The following PCCA variants were observed in gnomAD, a reference collection of about 807,000 sequenced individuals.
The protein encoded by PCCA is propionyl-CoA carboxylase subunit alpha.
PCCA carries 74 observed loss-of-function variants against 101.3 expected under a neutral mutation model. That is an observed-to-expected ratio of 0.73 (90% CI 0.61 to 0.89). PCCA has a LOEUF of 0.89. Ranked by LOEUF, PCCA falls within the 40% of genes least tolerant of loss-of-function variation. The probability of loss-of-function intolerance (pLI) is 0.00; values close to 1 mark genes in which losing one functional copy is unlikely to be tolerated. For synonymous variants in PCCA, 294 were observed against 313.6 expected, an observed-to-expected ratio of 0.94 and a Z score of 0.66; for missense variants, 891 against 907.0, an observed-to-expected ratio of 0.98 and a Z score of 0.23.
intron 6 of PCCA, among the ~76,000 whole-genome samples, chr13:100,171,400 G>A (rs548245618): frequency 3.7e-4 from 56 of 152,274 alleles, no homozygotes; most frequent in Non-Finnish European, 7.6e-4. Context: ...ATAGGGTGAT[G>A]ACAGTCTTCT....
chr13:100,262,401 A>T (rs1298064829), intron 9 of PCCA, among the ~76,000 whole-genome samples: 1 of 152,098 alleles, frequency 6.6e-6, no homozygotes, highest in Admixed American at 6.6e-5. Context: ...CTCAAAAAAA[A>T]AAAAAGTGAT....
At chr13:100,320,692 A>G (rs932109601) in intron 16 of PCCA, among the ~76,000 whole-genome samples, 1 of 152,146 alleles carries the variant, frequency 6.6e-6, no homozygotes, top group Non-Finnish European at 1.5e-5. Context: ...ATCATGGTGG[A>G]TAAGCTTTTT....
At chr13:100,470,705 C>G (rs865780938) in intron 21 of PCCA, among the ~76,000 whole-genome samples, 5 of 151,718 alleles carry the variant, frequency 3.3e-5, no homozygotes, top group Admixed American at 6.6e-5. Flanking sequence ...AATATGAAAA[C>G]TAGCTGGGCA....
At chr13:100,239,964 C>G (rs1479216037) in intron 8 of PCCA, among the ~76,000 whole-genome samples, 3 of 152,126 alleles carry the variant, frequency 2.0e-5, no homozygotes, top group Non-Finnish European at 4.4e-5. Flanking sequence ...TTTTCCTCAT[C>G]ATCCTGTTGT....
At chr13:100,227,117 A>T (rs2060188623) in intron 7 of PCCA, among the ~76,000 whole-genome samples, 1 of 151,196 alleles carries the variant, frequency 6.6e-6, no homozygotes, top group African/African-American at 2.4e-5. Flanking sequence ...GATTGCAGGC[A>T]TGCGCCACCA....
intron 6 of PCCA, among the ~76,000 whole-genome samples, chr13:100,160,389 G>A (rs925063592): frequency 6.6e-6 from 1 of 152,018 alleles, no homozygotes; most frequent in Admixed American, 6.6e-5. Context: ...TTTGATCCCA[G>A]CTACGTGGGT....
intron 19 of PCCA, among the ~76,000 whole-genome samples, chr13:100,382,293 C>T (rs751297412): frequency 2.6e-5 from 4 of 152,132 alleles, no homozygotes; most frequent in African/African-American, 9.7e-5. Flanking sequence ...GGATTTTCTC[C>T]GGTTACTCCA....
At chr13:100,508,504 C>T (rs930247560) in intron 21 of PCCA, among the ~76,000 whole-genome samples, 1 of 152,222 alleles carries the variant, frequency 6.6e-6, no homozygotes, top group African/African-American at 2.4e-5. Flanking sequence ...GAAAGTGACG[C>T]ATTATGTCGC....
chr13:100,198,609 C>T (rs2058275446), intron 6 of PCCA: 1 of 152,212 alleles, frequency 6.6e-6, no homozygotes, highest in South Asian at 2.1e-4. Context: ...AGTGATTCTC[C>T]TGCCTCAGCC....
At chr13:100,457,578 A>T (rs975144467) in intron 21 of PCCA, among the ~76,000 whole-genome samples, 1 of 152,202 alleles carries the variant, frequency 6.6e-6, no homozygotes, top group African/African-American at 2.4e-5. Flanking sequence ...AATGGGTTGC[A>T]TTATAGGAGA....
At chr13:100,128,324 A>G (rs1346367554) in intron 4 of PCCA, among the ~76,000 whole-genome samples, 1 of 152,196 alleles carries the variant, frequency 6.6e-6, no homozygotes, top group East Asian at 1.9e-4. Context: ...CTTTGAAGGC[A>G]GAGTTTTTAT....
chr13:100,103,881 C>T (rs1251206753), intron 2 of PCCA, among the ~76,000 whole-genome samples: 1 of 152,182 alleles, frequency 6.6e-6, no homozygotes. Context: ...GGTCATCCGC[C>T]TGCCTCGAGC....
At chr13:100,110,023 A>G (rs946740047) in intron 2 of PCCA, among the ~76,000 whole-genome samples, 8 of 152,024 alleles carry the variant, frequency 5.3e-5, no homozygotes, top group African/African-American at 1.7e-4. Flanking sequence ...AATCCCAGCT[A>G]TTAGGAGGCT....
At chr13:100,413,536 C>T (rs1567092559) in intron 19 of PCCA, among the ~76,000 whole-genome samples, 1 of 152,128 alleles carries the variant, frequency 6.6e-6, no homozygotes, top group East Asian at 1.9e-4. Context: ...AAAAATAGAT[C>T]TCTAATAATC....
intron 21 of PCCA, chr13:100,466,077 T>C (rs2082495122): frequency 6.6e-6 from 1 of 152,262 alleles, no homozygotes; most frequent in South Asian, 2.1e-4. Flanking sequence ...TTTGAGTAGA[T>C]GTACTGTTAC....
At chr13:100,172,014 A>G (rs1323932841) in intron 6 of PCCA, among the ~76,000 whole-genome samples, 2 of 148,544 alleles carry the variant, frequency 1.3e-5, no homozygotes, top group Non-Finnish European at 3.0e-5. Flanking sequence ...CTTGGGTGAC[A>G]GAGTGAGACT....
intron 21 of PCCA, among the ~76,000 whole-genome samples, chr13:100,503,761 AGCCGG>A (rs1290396961): frequency 6.6e-6 from 1 of 152,146 alleles, no homozygotes; most frequent in Non-Finnish European, 1.5e-5. Flanking sequence ...AAAAAAAATT[AGCCGG>A]GCATGGTGGC....
chr13:100,103,653 T>A (rs1594095235), intron 2 of PCCA, among the ~76,000 whole-genome samples: 2 of 151,656 alleles, frequency 1.3e-5, no homozygotes, highest in Admixed American at 1.3e-4. Flanking sequence ...TATTTATTTG[T>A]GAGATGGAGT....
intron 18 of PCCA, among the ~76,000 whole-genome samples, chr13:100,367,302 A>G (rs2075248510): frequency 6.6e-6 from 1 of 152,202 alleles, no homozygotes; most frequent in Non-Finnish European, 1.5e-5. Flanking sequence ...TAAGACTAAC[A>G]TTGTTCATAG....
Sources: gnomAD v4.1 joint callset for allele counts (sites outside exome capture counted in the v4.1 genomes callset) on GRCh38, gnomAD v4.1.1 for gene constraint, MANE v1.5 for transcripts, NCBI Gene and HGNC (gene_info 2026-07-23, HGNC 2026-07-21) for gene names.